The following GAL3ST4 variants were observed in gnomAD, a reference collection of about 807,000 sequenced individuals.
GAL3ST4 encodes beta-galactose-3-O-sulfotransferase 4.
A neutral mutation model predicts 31.6 loss-of-function variants in GAL3ST4; 30 were observed. The ratio of observed to expected loss-of-function variants is 0.95; its 90% confidence interval spans 0.71 to 1.29. The LOEUF is 1.29. GAL3ST4 is among the 50% of genes most tolerant of loss of function. The probability of loss-of-function intolerance (pLI) is 0.00; values close to 1 mark genes in which losing one functional copy is unlikely to be tolerated. For missense variants in GAL3ST4, 629 were observed against 625.2 expected, an observed-to-expected ratio of 1.01 and a Z score of -0.06; for synonymous variants, 248 against 256.9, an observed-to-expected ratio of 0.97 and a Z score of 0.33.
Position 100,160,894 on chromosome 7 carries a change from A to T in GAL3ST4, c.495T>A (p.Ala165=), listed in dbSNP as rs140969276. 2.5e-6 allele frequency: 4 copies of T among 1,613,942 alleles called. No individual in the cohort carries two copies. The highest frequency in any genetic ancestry group is 3.4e-6 in the Non-Finnish European group (4 of 1,180,004). The part of the protein sequence containing the change: ...FSIVRDPAAL[A]RSAFSYYKST... ...ATTTATAGTAGGAGAAGGCAGAGCGAGCCAGAGCCGCTGGGTCTCGGACAA... is the reference window on the plus strand; with the variant it reads ...ATTTATAGTAGGAGAAGGCAGAGCGTGCCAGAGCCGCTGGGTCTCGGACAA... The change falls in exon 4 of 4, where the codon GCT becomes GCA. Residue 165 remains alanine, a synonymous_variant. Transcript: ENST00000360039.
rs759853278 is a variant in GAL3ST4 at position 100,160,909 on chromosome 7, G to C, written c.480C>G (p.Asp160Glu). ...SDSFFFSIVR[D>E]PAALARSAFS... ...AGGCAGAGCGAGCCAGAGCCGCTGG[G>C]TCTCGGACAATGGAAAAAAAGAAGC... is the stretch of plus-strand genomic sequence containing the variant. Residue 160 changes from aspartate to glutamate, a missense_variant, in exon 4 of 4, where the codon GAC becomes GAG. Physicochemically the swap from Asp to Glu is conservative, Grantham distance 45 (BLOSUM62 2). Coordinates refer to ENST00000360039, the MANE Select transcript of GAL3ST4 (RefSeq NM_024637.5). 1 of 1,608,560 alleles carries C rather than the reference G, an allele frequency of 6.2e-7. No individual in the cohort carries two copies. Among genetic ancestry groups the C allele is most frequent in the Non-Finnish European group, 8.5e-7 (1 of 1,178,260 alleles).
chr7:100,162,842 T>C (rs1356292241), intron 3 of GAL3ST4, among the ~76,000 whole-genome samples: 2 of 116,716 alleles, frequency 1.7e-5, no homozygotes, highest in Non-Finnish European at 3.4e-5. Context: ...AGCCGGGCAC[T>C]AATTTTAAAG....
At chr7:100,166,881 C>T in intron 2 of GAL3ST4, 76 bp from the exon 3 acceptor site, 3 of 1,550,354 alleles carry the variant, frequency 1.9e-6, no homozygotes, top group Non-Finnish European at 2.6e-6. Flanking sequence ...ATGGAGGCTT[C>T]TGAGTCCTCA....
In GAL3ST4 at chr7:100,160,175, T is replaced by C. The variant is rs1312214671; in HGVS notation, c.1214A>G (p.Lys405Arg). ...ELRARREALA[K>R]HCLVGGEASD... Reference sequence around the variant, plus strand: ...AGCCTCACCCCCTACCAGACAATGTTTCGCTAGGGCCTCTCGGCGAGCCCG... The same window carrying C: ...AGCCTCACCCCCTACCAGACAATGTCTCGCTAGGGCCTCTCGGCGAGCCCG... Residue 405 changes from lysine to arginine, a missense_variant, in exon 4 of 4, where the codon AAA (lysine) becomes AGA (arginine). Transcript: ENST00000360039. 2 of 1,613,992 alleles carry C rather than the reference T, an allele frequency of 1.2e-6. No individual in the cohort carries two copies. The highest frequency in any genetic ancestry group is 2.2e-5 in the East Asian group (1 of 44,894).
At chr7:100,161,200 A>G (rs1372500301) in intron 3 of GAL3ST4, among the ~76,000 whole-genome samples, 3 of 152,208 alleles carry the variant, frequency 2.0e-5, no homozygotes, top group Non-Finnish European at 4.4e-5. Context: ...GATACATGAG[A>G]TAAAACATAC....
chr7:100,162,310 G>C (rs1799013644), intron 3 of GAL3ST4, among the ~76,000 whole-genome samples: 1 of 151,662 alleles, frequency 6.6e-6, no homozygotes, highest in East Asian at 1.9e-4. Context: ...ACTTTGGGAG[G>C]CTGAGGCGGG....
At chr7:100,166,931 C>T (rs192979846) in intron 2 of GAL3ST4, 40 bp downstream of exon 2, 63 of 1,584,218 alleles carry the variant, frequency 4.0e-5, no homozygotes, top group African/African-American at 6.7e-5. Context: ...AGAGCAAGTA[C>T]GGGGCGTCTA....
Position 100,160,229 on chromosome 7 carries a change from C to T in GAL3ST4, c.1160G>A (p.Gly387Asp), listed in dbSNP as rs200605076. 2.4e-4 allele frequency: 386 copies of T among 1,614,116 alleles called. No individual in the cohort carries two copies. The highest frequency in any genetic ancestry group is 3.2e-4 in the Non-Finnish European group (373 of 1,180,048). Residue 387 changes from glycine to aspartate, a missense_variant, in exon 4 of 4, where the codon GGC becomes GAC. Transcript: ENST00000360039. ...LWARIEKYGQ[G>D]RLQTAVAELR... Reference sequence around the variant, plus strand: ...CTCGGCCACAGCTGTCTGCAGCCGGCCCTGGCCGTATTTCTCTATCCGTGC... The same window carrying T: ...CTCGGCCACAGCTGTCTGCAGCCGGTCCTGGCCGTATTTCTCTATCCGTGC...
rs1432307635 is a variant in GAL3ST4 at position 100,164,162 on chromosome 7, G to A, written c.429+2340C>T. On this transcript the variant is annotated intron_variant, in intron 3 of 3. Transcript: ENST00000360039. ...GGCCTTTCGCTGCCCATCAGAGCAC[G>A]CCCATGTCCTCAGCTGGTGTCTCCA... Among the ~76,000 whole-genome samples, 6 of 152,214 alleles carry A rather than the reference G, an allele frequency of 3.9e-5. No individual in the cohort carries two copies. The South Asian group carries it at 1.2e-3, about 32-fold the overall frequency.
Position 100,160,545 on chromosome 7 carries a change from C to A in GAL3ST4, c.844G>T (p.Gly282Trp). 6 of 1,613,950 alleles carry A rather than the reference C, an allele frequency of 3.7e-6. No individual in the cohort carries two copies. Among genetic ancestry groups the A allele is most frequent in the Non-Finnish European group, 5.1e-6 (6 of 1,180,032 alleles). The change falls in exon 4 of 4, where the codon GGG becomes TGG. Residue 282 changes from glycine (G) to tryptophan (W), a missense_variant. Coordinates refer to ENST00000360039, the MANE Select transcript of GAL3ST4 (RefSeq NM_024637.5). ...QISSPASFDL[G>W]SSSFIQWGLA... ...CCCCACTGGATGAAGGATGAAGACCCCAAATCGAAAGAGGCAGGGCTTGAT... is the reference window on the plus strand; with the variant it reads ...CCCCACTGGATGAAGGATGAAGACCACAAATCGAAAGAGGCAGGGCTTGAT...
chr7:100,160,249 C>A lies in GAL3ST4; in HGVS notation c.1140G>T (p.Arg380=). The A allele has an allele frequency of 1.2e-6, 2 of 1,614,106 alleles. No individual in the cohort carries two copies. The highest frequency in any genetic ancestry group is 1.7e-6 in the Non-Finnish European group (2 of 1,180,042). ...YVHFNRSLWA[R]IEKYGQGRLQ... is the part of the protein sequence containing the mutation. ...GCCGGCCCTGGCCGTATTTCTCTAT[C>A]CGTGCCCAGAGACTGCGGTTGAAGT... The change falls in exon 4 of 4, where the codon CGG becomes CGT. Residue 380 remains arginine, a synonymous_variant. Transcript: ENST00000360039.
At position 100,160,965 on chromosome 7, in the gene GAL3ST4, G is replaced by A. The variant is rs1358287901; in HGVS notation, c.430-6C>T. On this transcript the variant is annotated splice_polypyrimidine_tract_variant and splice_region_variant and intron_variant, in intron 3 of 3. Transcript: ENST00000360039. ...GAAGGCATGACCTGAAGTACCTGCA[G>A]AGGAGGGAAGACAGAAGAGAGAGAA... is the stretch of plus-strand genomic sequence containing the variant. 2 of 1,573,412 alleles carry A rather than the reference G, an allele frequency of 1.3e-6. No homozygotes were observed. Among genetic ancestry groups the A allele is most frequent in the Non-Finnish European group, 1.7e-6 (2 of 1,162,990 alleles).
chr7:100,160,395 C>T lies in GAL3ST4; in HGVS notation c.994G>A (p.Ala332Thr), dbSNP rs1263642890. ...AGGCCCTGCTTATGTCCAGCCTGGG[C>T]ATTGTGCATGAAGCCCACCACGTCA... ...LDDVVGFMHN[A>T]QAGHKQGLST... Residue 332 changes from alanine (A) to threonine (T), a missense_variant, in exon 4 of 4, where the codon GCC becomes ACC. Physicochemically the swap from Ala to Thr is moderately conservative, Grantham distance 58 (BLOSUM62 0). Coordinates refer to ENST00000360039, the MANE Select transcript of GAL3ST4 (RefSeq NM_024637.5). 1 of 1,614,072 alleles carries T rather than the reference C, an allele frequency of 6.2e-7. No individual in the cohort carries two copies. Among genetic ancestry groups the T allele is most frequent in the Non-Finnish European group, 8.5e-7 (1 of 1,180,042 alleles).
At chr7:100,167,466 T>G in intron 1 of GAL3ST4, 183 bp from the exon 2 acceptor site, 1 of 253,734 alleles carries the variant, frequency 3.9e-6, no homozygotes, top group Non-Finnish European at 7.8e-6. Flanking sequence ...TTATCTCCAG[T>G]TCCTCCCGCT....
At chr7:100,167,324 G>C (rs1799091133) in intron 1 of GAL3ST4, 41 bp from the exon 2 acceptor site, 1 of 1,072,996 alleles carries the variant, frequency 9.3e-7, no homozygotes, top group Non-Finnish European at 1.3e-6. Context: ...AGTCTAAGGA[G>C]AGAGGCAGAG....
At chr7:100,163,451 C>A (rs549968453) in intron 3 of GAL3ST4, among the ~76,000 whole-genome samples, 6 of 151,326 alleles carry the variant, frequency 4.0e-5, no homozygotes, top group South Asian at 2.1e-4. Flanking sequence ...GTATGGCACA[C>A]CTGAATAGCA....
rs970186356 is a variant in GAL3ST4 at position 100,167,204 on chromosome 7, G to A, written c.-109C>T. 4.4e-5 allele frequency: 68 copies of A among 1,542,870 alleles called. No individual in the cohort carries two copies. Among genetic ancestry groups the A allele is most frequent in the Non-Finnish European group, 5.3e-5 (61 of 1,142,852 alleles). On this transcript the variant is annotated 5_prime_UTR_variant, in exon 2 of 4. An upstream open reading frame in the 5' UTR gains an earlier in-frame stop. Transcript: ENST00000360039. The stretch of plus-strand genomic sequence containing the variant: ...CTGCGGAAGGCACTGGTTGGAGATC[G>A]GGGGGTCATTCCCCAGGCCTGCTCA...
In GAL3ST4 at chr7:100,166,503, T is replaced by C. The variant is rs1321414978; in HGVS notation, c.428A>G (p.Glu143Gly). Residue 143 changes from glutamate to glycine, a missense_variant and splice_region_variant, in exon 3 of 4, where the codon GAG becomes GGG. Glu to Gly is a moderately conservative substitution (Grantham distance 98). Coordinates refer to ENST00000360039, the MANE Select transcript of GAL3ST4 (RefSeq NM_024637.5). Reference sequence around the variant, plus strand: ...TCCCACCACTGCGACACTCCTTACCTCTTTCAGGTTGAACCTCATGTGGTG... The same window carrying C: ...TCCCACCACTGCGACACTCCTTACCCCTTTCAGGTTGAACCTCATGTGGTG... ...LCHHMRFNLK[E>G]VLQVMPSDSF... 1 of 1,610,674 alleles carries C rather than the reference T, an allele frequency of 6.2e-7. No individual in the cohort carries two copies. Among genetic ancestry groups the C allele is most frequent in the Non-Finnish European group, 8.5e-7 (1 of 1,177,846 alleles).
chr7:100,160,794 C>T lies in GAL3ST4; in HGVS notation c.595G>A (p.Gly199Arg). 2 of 1,614,190 alleles carry T rather than the reference C, an allele frequency of 1.2e-6. No homozygotes were observed. The highest frequency in any genetic ancestry group is 1.7e-6 in the Non-Finnish European group (2 of 1,180,046). Residue 199 changes from glycine to arginine, a missense_variant, in exon 4 of 4, where the codon GGG (glycine) becomes AGG (arginine). Physicochemically the swap from Gly to Arg is moderately radical, Grantham distance 125 (BLOSUM62 -2). Transcript: ENST00000360039. The stretch of plus-strand genomic sequence containing the variant: ...CGAGCGTAGTGGTCCCCACGGGCCC[C>T]AGGCCTGTAGAAGCCTCGAGGATTG... The part of the protein sequence containing the change: ...LANPRGFYRP[G>R]ARGDHYARNL...
Sources: gnomAD v4.1 joint callset for allele counts (sites outside exome capture counted in the v4.1 genomes callset) on GRCh38, gnomAD v4.1.1 for gene constraint, MANE v1.5 for transcripts, NCBI Gene and HGNC (gene_info 2026-07-23, HGNC 2026-07-21) for gene names.